The following ASIC2 variants were observed in gnomAD, a reference collection of about 807,000 sequenced individuals.
The protein encoded by ASIC2 is acid-sensing ion channel 2.
A neutral mutation model predicts 57.3 loss-of-function variants in ASIC2; 25 were observed. The ratio of observed to expected loss-of-function variants is 0.44; its 90% CI spans 0.32 to 0.61. The LOEUF (loss-of-function observed/expected upper bound fraction) is 0.61. Ranked by LOEUF, ASIC2 falls within the 20% of genes least tolerant of loss-of-function variation. The probability of loss-of-function intolerance (pLI) is 0.06; values close to 1 mark genes in which losing one functional copy is unlikely to be tolerated. For synonymous variants in ASIC2, 319 were observed against 307.5 expected (o/e 1.04, Z -0.39); for missense variants, 641 against 738.1 (o/e 0.87, Z 1.52).
intron 1 of ASIC2, among the ~76,000 whole-genome samples, chr17:33,242,082 G>C (rs1243978282): frequency 6.6e-6 from 1 of 152,180 alleles, no homozygotes; most frequent in South Asian, 2.1e-4. Flanking sequence ...ACTTTGGGAG[G>C]CCGAGGCAGG....
chr17:33,336,302 A>C (rs1907511637), intron 1 of ASIC2, among the ~76,000 whole-genome samples: 1 of 152,188 alleles, frequency 6.6e-6, no homozygotes, highest in Non-Finnish European at 1.5e-5. Flanking sequence ...AACCTGAAGC[A>C]AAAGGAGAAA....
chr17:33,197,285 T>C (rs1367750780), intron 1 of ASIC2, among the ~76,000 whole-genome samples: 1 of 152,212 alleles, frequency 6.6e-6, no homozygotes, highest in Non-Finnish European at 1.5e-5. Context: ...ACTCTGGAGA[T>C]GGACAGCCTG....
intron 3 of ASIC2, among the ~76,000 whole-genome samples, chr17:33,066,754 C>T (rs908685845): frequency 6.6e-5 from 10 of 152,176 alleles, no homozygotes; most frequent in East Asian, 1.9e-4. Context: ...CTGGAAACCA[C>T]GGCTTAGAGC....
At chr17:33,815,859 G>C (rs768575570) in intron 1 of ASIC2, among the ~76,000 whole-genome samples, 1 of 152,082 alleles carries the variant, frequency 6.6e-6, no homozygotes, top group African/African-American at 2.4e-5. Context: ...AAGTGATACC[G>C]GTTATTTTTG....
At chr17:33,691,505 T>C (rs1313057204) in intron 1 of ASIC2, among the ~76,000 whole-genome samples, 31 of 152,272 alleles carry the variant, frequency 2.0e-4, no homozygotes, top group Admixed American at 2.0e-3. Context: ...TTGTAAGAAC[T>C]ATCTATATTT....
At chr17:33,752,665 G>A (rs1350467352) in intron 1 of ASIC2, among the ~76,000 whole-genome samples, 1 of 152,116 alleles carries the variant, frequency 6.6e-6, no homozygotes, top group African/African-American at 2.4e-5. Context: ...CCATGGTATG[G>A]GTCTACATAG....
chr17:33,591,821 G>A (rs1404225047), intron 1 of ASIC2, among the ~76,000 whole-genome samples: 6 of 152,024 alleles, frequency 3.9e-5, no homozygotes, highest in Admixed American at 3.9e-4. Flanking sequence ...CTCCTTGCTC[G>A]GTCCCCCTTC....
chr17:33,679,945 G>C (rs766484503), intron 1 of ASIC2, among the ~76,000 whole-genome samples: 1 of 152,140 alleles, frequency 6.6e-6, no homozygotes, highest in Non-Finnish European at 1.5e-5. Context: ...GTAATAGCCT[G>C]GTGAGGACGG....
intron 1 of ASIC2, among the ~76,000 whole-genome samples, chr17:33,336,822 G>A (rs1453995197): frequency 6.6e-6 from 1 of 152,128 alleles, no homozygotes; most frequent in Admixed American, 6.6e-5. Context: ...CAGAGAGGAG[G>A]GGGCGGGGCT....
chr17:33,164,194 G>A (rs537968075), intron 1 of ASIC2, among the ~76,000 whole-genome samples: 1 of 152,282 alleles, frequency 6.6e-6, no homozygotes, highest in South Asian at 2.1e-4. Context: ...AGCCCCAAGG[G>A]TGCGTCTGGT....
intron 1 of ASIC2, among the ~76,000 whole-genome samples, chr17:33,532,579 G>A (rs1915085733): frequency 6.6e-6 from 1 of 152,200 alleles, no homozygotes; most frequent in Admixed American, 6.5e-5. Context: ...AGAAGATGCT[G>A]TAAAAAGGTG....
chr17:33,807,103 A>G (rs990922308), intron 1 of ASIC2, among the ~76,000 whole-genome samples: 2 of 152,190 alleles, frequency 1.3e-5, no homozygotes, highest in African/African-American at 2.4e-5. Context: ...CCTACACTCC[A>G]GGAAAATGCA....
chr17:33,879,327 G>A (rs1188333368), intron 1 of ASIC2, among the ~76,000 whole-genome samples: 1 of 152,180 alleles, frequency 6.6e-6, no homozygotes, highest in Non-Finnish European at 1.5e-5. Flanking sequence ...TGGATAAAAA[G>A]TCAAGACCCA....
chr17:33,274,998 C>T (rs940070461), intron 1 of ASIC2, among the ~76,000 whole-genome samples: 1 of 152,158 alleles, frequency 6.6e-6, no homozygotes, highest in African/African-American at 2.4e-5. Flanking sequence ...TCCCACTCCC[C>T]ATGCCTCCTC....
At position 33,358,740 on chromosome 17, in the gene ASIC2, T is replaced by A. The variant is rs544734355; in HGVS notation, c.556-246673A>T. Among the ~76,000 whole-genome samples, 3 of 152,340 alleles carry A rather than the reference T, an allele frequency of 2.0e-5. No individual in the cohort carries two copies. In the South Asian group the frequency reaches 6.2e-4, roughly 32 times the overall value. Reference sequence around the variant, plus strand: ...GTTCATGCTAGGAGACAACTGCTCCTATTGAAGATCCTTCATTTTATAGTA... The same window carrying A: ...GTTCATGCTAGGAGACAACTGCTCCAATTGAAGATCCTTCATTTTATAGTA... On this transcript the variant is annotated intron_variant, in intron 1 of 9. Coordinates refer to the ASIC2 transcript ENST00000359872.
At chr17:33,195,998 C>G (rs539810258) in intron 1 of ASIC2, among the ~76,000 whole-genome samples, 2 of 152,180 alleles carry the variant, frequency 1.3e-5, no homozygotes, top group African/African-American at 4.8e-5. Context: ...CCTGTCTTAC[C>G]TCACAAAGGT....
chr17:33,877,093 C>T (rs536649506), intron 1 of ASIC2, among the ~76,000 whole-genome samples: 1 of 152,076 alleles, frequency 6.6e-6, no homozygotes, highest in Non-Finnish European at 1.5e-5. Context: ...CTTTTTTTCT[C>T]CACAGTATGA....
At chr17:33,619,279 A>G (rs1385517285) in intron 1 of ASIC2, among the ~76,000 whole-genome samples, 1 of 152,200 alleles carries the variant, frequency 6.6e-6, no homozygotes, top group Non-Finnish European at 1.5e-5. Context: ...TTTGTACTCA[A>G]TAATAATTTC....
At chr17:33,416,906 C>T (rs926544777) in intron 1 of ASIC2, among the ~76,000 whole-genome samples, 6 of 152,118 alleles carry the variant, frequency 3.9e-5, no homozygotes, top group African/African-American at 1.4e-4. Flanking sequence ...TATTTGGGAT[C>T]TCACCAATAT....
Sources: allele counts gnomAD v4.1 joint callset (sites outside exome capture counted in the v4.1 genomes callset), GRCh38; gene constraint gnomAD v4.1.1; transcripts MANE v1.5; gene names NCBI Gene and HGNC (gene_info 2026-07-23, HGNC 2026-07-21).